The following EYS variants were observed in gnomAD, a reference collection of about 807,000 sequenced individuals.
EYS encodes protein eyes shut homolog.
In EYS, 250 loss-of-function variants were observed where a neutral mutation model predicts 282.1. The ratio of observed to expected loss-of-function variants is 0.89; its 90% confidence interval spans 0.80 to 0.98. The LOEUF (loss-of-function observed/expected upper bound fraction) is 0.98. EYS is among the 50% of genes least tolerant of loss of function. EYS has a pLI of 0.00. For missense variants in EYS, 4,016 were observed against 3,709.0 expected (o/e 1.08, Z -2.15); for synonymous variants, 1,355 against 1,282.9 (o/e 1.06, Z -1.20).
intron 35 of EYS, among the ~76,000 whole-genome samples, chr6:63,888,085 C>T (rs1026032247): frequency 1.3e-5 from 2 of 152,218 alleles, no homozygotes; most frequent in African/African-American, 4.8e-5. Context: ...GACTGCCTCT[C>T]TAGATACTGC....
rs1384692151 is a variant in EYS at position 63,720,803 on chromosome 6, A to G, written c.9228T>C (p.Phe3076=). The change falls in exon 43 of 43, where the codon TTT becomes TTC. Residue 3076 remains phenylalanine (F), a synonymous_variant. Coordinates refer to ENST00000503581, the MANE Select transcript of EYS (RefSeq NM_001142800.2). ...LSEDIDPHKN[F]VALNYDGICY... The stretch of plus-strand genomic sequence containing the variant: ...AAATGCCATCATAGTTTAGAGCCAC[A>G]AAGTTTTTATGTGGATCAATATCCT... 12 of 1,551,040 alleles carry G rather than the reference A, an allele frequency of 7.7e-6. No homozygotes were observed. Among genetic ancestry groups the G allele is most frequent in the Admixed American group, 3.9e-5 (2 of 50,930 alleles).
intron 37 of EYS, among the ~76,000 whole-genome samples, chr6:63,805,037 C>T (rs1770869371): frequency 6.6e-6 from 1 of 151,628 alleles, no homozygotes; most frequent in South Asian, 2.1e-4. Context: ...TATGCTGATA[C>T]AGAAAAGAGT....
At chr6:64,196,912 G>A (rs1765308569) in intron 31 of EYS, among the ~76,000 whole-genome samples, 1 of 151,662 alleles carries the variant, frequency 6.6e-6, no homozygotes, top group Non-Finnish European at 1.5e-5. Context: ...TAAAAAAATT[G>A]TAATATTTGA....
intron 7 of EYS, among the ~76,000 whole-genome samples, chr6:65,385,397 A>C (rs1765762034): frequency 1.3e-5 from 2 of 151,948 alleles, no homozygotes; most frequent in Admixed American, 6.6e-5. Context: ...AAAATGCTTT[A>C]GTAATTTACC....
chr6:65,682,742 C>A (rs1401277064), intron 1 of EYS, among the ~76,000 whole-genome samples: 1 of 151,520 alleles, frequency 6.6e-6, no homozygotes, highest in Non-Finnish European at 1.5e-5. Context: ...AGCACAGAGA[C>A]AAATACAGAG....
At chr6:65,434,477 C>T (rs940228989) in intron 5 of EYS, among the ~76,000 whole-genome samples, 4 of 152,070 alleles carry the variant, frequency 2.6e-5, no homozygotes, top group Non-Finnish European at 4.4e-5. Flanking sequence ...CCCGCCACCA[C>T]GCCCAGCTAA....
chr6:64,103,090 A>G (rs1772888171), intron 31 of EYS, among the ~76,000 whole-genome samples: 1 of 152,160 alleles, frequency 6.6e-6, no homozygotes, highest in Non-Finnish European at 1.5e-5. Flanking sequence ...TACAATAGAA[A>G]CAGTTTAAAG....
intron 30 of EYS, among the ~76,000 whole-genome samples, chr6:64,253,375 TTAAATG>T (rs2150349347): frequency 6.6e-6 from 1 of 152,270 alleles, no homozygotes; most frequent in Admixed American, 6.5e-5. Context: ...AGGCCCAGAT[TTAAATG>T]TAAGTGTTTG....
intron 35 of EYS, among the ~76,000 whole-genome samples, chr6:63,869,119 G>A (rs2149711765): frequency 6.6e-6 from 1 of 152,244 alleles, no homozygotes; most frequent in East Asian, 1.9e-4. Context: ...AATGTCCTCT[G>A]CTATAGAAAC....
chr6:63,922,674 C>G (rs563493444), intron 35 of EYS, among the ~76,000 whole-genome samples: 1 of 152,298 alleles, frequency 6.6e-6, no homozygotes, highest in East Asian at 1.9e-4. Flanking sequence ...TCATACCTCA[C>G]TATTAATTTT....
intron 12 of EYS, among the ~76,000 whole-genome samples, chr6:65,161,932 TC>T (rs1201987219): frequency 2.0e-5 from 3 of 151,204 alleles, no homozygotes; most frequent in Non-Finnish European, 4.4e-5. Flanking sequence ...TTTCCCCGCC[TC>T]CTCACATGGT....
chr6:63,917,392 T>C (rs1207715215), intron 35 of EYS, among the ~76,000 whole-genome samples: 7 of 152,248 alleles, frequency 4.6e-5, no homozygotes, highest in African/African-American at 1.7e-4. Context: ...AAACAACCTC[T>C]GTATATTTGG....
At chr6:64,583,531 C>T (rs758169707) in intron 26 of EYS, among the ~76,000 whole-genome samples, 3 of 152,072 alleles carry the variant, frequency 2.0e-5, no homozygotes, top group African/African-American at 4.8e-5. Context: ...CACAGTAGCT[C>T]ACGCCTGTTA....
chr6:64,662,950 A>T (rs1769095832), intron 22 of EYS, among the ~76,000 whole-genome samples: 1 of 152,176 alleles, frequency 6.6e-6, no homozygotes, highest in Non-Finnish European at 1.5e-5. Context: ...TAGACTGTTT[A>T]TATCTAAACA....
chr6:65,382,539 A>G (rs9445536), intron 8 of EYS, among the ~76,000 whole-genome samples: 70,492 of 147,002 alleles, frequency 0.48, 17,193 homozygotes, highest in South Asian at 0.54. Flanking sequence ...GTATTAGTCA[A>G]GGTTCTCTAG....
At chr6:65,493,885 T>A (rs1242385791) in intron 4 of EYS, among the ~76,000 whole-genome samples, 1 of 152,198 alleles carries the variant, frequency 6.6e-6, no homozygotes, top group South Asian at 2.1e-4. Flanking sequence ...CTCACAATTA[T>A]CTGTTCCTCT....
intron 14 of EYS, among the ~76,000 whole-genome samples, chr6:64,990,455 C>T (rs1478209836): frequency 3.3e-5 from 5 of 151,488 alleles, no homozygotes; most frequent in Admixed American, 1.3e-4. Flanking sequence ...CAAATAATAA[C>T]GGTAAAGTGC....
At chr6:65,012,499 T>A (rs1441928318) in intron 13 of EYS, among the ~76,000 whole-genome samples, 1 of 152,202 alleles carries the variant, frequency 6.6e-6, no homozygotes, top group East Asian at 1.9e-4. Flanking sequence ...GTCCTTGAAC[T>A]GCTTGGGTTT....
intron 26 of EYS, among the ~76,000 whole-genome samples, chr6:64,487,310 C>G (rs1161099308): frequency 6.6e-6 from 1 of 150,968 alleles, no homozygotes; most frequent in Non-Finnish European, 1.5e-5. Flanking sequence ...ATACATTATT[C>G]TTAACCTGAA....
Sources: gnomAD v4.1 joint callset for allele counts (sites outside exome capture counted in the v4.1 genomes callset) on GRCh38, gnomAD v4.1.1 for gene constraint, MANE v1.5 for transcripts, NCBI Gene and HGNC (gene_info 2026-07-23, HGNC 2026-07-21) for gene names.